The following KLHL30 variants were observed in gnomAD, a reference collection of about 807,000 sequenced individuals.
The protein encoded by KLHL30 is kelch like family member 30.
Under a neutral mutation model 55.0 loss-of-function variants are expected in KLHL30, and 55 were observed. The observed-to-expected ratio is 1.00, with a 90% CI of 0.80 to 1.25. The LOEUF is 1.25. KLHL30 is among the 50% of genes most tolerant of loss of function. The pLI is 0.00. For missense variants in KLHL30, 786 were observed against 811.6 expected (o/e 0.97, Z 0.38); for synonymous variants, 356 against 372.6 (o/e 0.96, Z 0.51).
chr2:238,142,344 C>T (rs561912940), intron 2 of KLHL30, among the ~76,000 whole-genome samples: 3 of 152,276 alleles, frequency 2.0e-5, no homozygotes, highest in South Asian at 4.2e-4. Flanking sequence ...TGCCCGTGGA[C>T]GGTCACCTTG....
Position 238,152,132 on chromosome 2 carries a change from G to C in KLHL30, c.*1067G>C. ...GGCTAGAAGTCAGGAGTCGGGCCCG[G>C]CCAGGCACAGGCCCTGGTGTTGCCC... On this transcript the variant is annotated 3_prime_UTR_variant, in exon 8 of 8. Coordinates refer to ENST00000409223, the MANE Select transcript of KLHL30 (RefSeq NM_198582.4). 1.7e-5 allele frequency: 17 copies of C among 985,444 alleles called. No individual in the cohort carries two copies. The highest frequency in any genetic ancestry group is 2.0e-5 in the Non-Finnish European group (17 of 829,990). 61.0% of individuals were successfully genotyped at this position (985,444 alleles called of 1,614,324 possible). A position where few individuals can be genotyped will look rare whatever the true frequency, so the allele number is the denominator to read the frequency against.
intron 3 of KLHL30, among the ~76,000 whole-genome samples, chr2:238,143,134 G>A (rs1043292386): frequency 6.6e-6 from 1 of 152,192 alleles, no homozygotes; most frequent in African/African-American, 2.4e-5. Flanking sequence ...AGGCTGGCGG[G>A]CACTGCTGCT....
At position 238,150,910 on chromosome 2, in the gene KLHL30, G is replaced by T; in HGVS notation, c.1582G>T (p.Asp528Tyr). The change falls in exon 8 of 8, where the codon GAC becomes TAC. Residue 528 changes from aspartate to tyrosine, a missense_variant. Coordinates refer to ENST00000409223, the MANE Select transcript of KLHL30 (RefSeq NM_198582.4). ...CGGCCGCTGGCAGGGCATGGAAGGTGACTACCACGTGGAGATGGAGGCCTA... is the reference window on the plus strand; with the variant it reads ...CGGCCGCTGGCAGGGCATGGAAGGTTACTACCACGTGGAGATGGAGGCCTA... ...TGGRWQGMEGDYHVEMEAYDT... is the reference protein window; with the variant it reads ...TGGRWQGMEGYYHVEMEAYDT... 6.3e-7 allele frequency: 1 copy of T among 1,598,850 alleles called. No homozygotes were observed. Among genetic ancestry groups the T allele is most frequent in the East Asian group, 2.3e-5 (1 of 44,014 alleles).
Position 238,147,745 on chromosome 2 carries a change from C to T in KLHL30, c.1151-89C>T. On this transcript the variant is annotated intron_variant, in intron 5 of 7. Coordinates refer to ENST00000409223, the MANE Select transcript of KLHL30 (RefSeq NM_198582.4). This position sits in a 1 kb window ranked among gnomAD's most constrained non-coding sequence, Gnocchi z 5.8. ...GGGGAGCCCACCCCACCTCCCACCA[C>T]TTTGCTGCCTTACAAAGCCCCAGCC... 1.2e-6 allele frequency: 1 copy of T among 823,574 alleles called. No homozygotes were observed. Among genetic ancestry groups the T allele is most frequent in the Non-Finnish European group, 1.7e-6 (1 of 581,792 alleles). 51.0% of individuals were successfully genotyped at this position (823,574 alleles called of 1,614,324 possible).
chr2:238,151,954 A>C lies in KLHL30; in HGVS notation c.*889A>C. ...TAGCATCCGATGGGCCCCTGCCAGCATGCAGCCCGACTCCGGCTGGCTCAG... is the reference window on the plus strand; with the variant it reads ...TAGCATCCGATGGGCCCCTGCCAGCCTGCAGCCCGACTCCGGCTGGCTCAG... On this transcript the variant is annotated 3_prime_UTR_variant, in exon 8 of 8. Transcript: ENST00000409223. 1 of 985,506 alleles carries C rather than the reference A, an allele frequency of 1.0e-6. No homozygotes were observed. The highest frequency in any genetic ancestry group is 1.2e-6 in the Non-Finnish European group (1 of 829,962). 61.0% of individuals were successfully genotyped at this position (985,506 alleles called of 1,614,324 possible). A position where few individuals can be genotyped will look rare whatever the true frequency, so the allele number is the denominator to read the frequency against.
At position 238,149,095 on chromosome 2, in the gene KLHL30, TG is replaced by T. The variant is rs2106314450; in HGVS notation, c.1432del (p.Asp478ThrfsTer40). ...CACTGCACGGGGAGCTCTACCTCAT[TG>T]GGGACAACACCAAGAAGGTCTACGT... ...AALHGELYLIGDNTKKVYVYD... is the reference protein window; with the variant it reads ...AALHGELYLIXDNTKKVYVYD... On this transcript the variant is annotated frameshift_variant, in exon 7 of 8. Coordinates refer to ENST00000409223, the MANE Select transcript of KLHL30 (RefSeq NM_198582.4). LOFTEE classifies it high-confidence loss of function. 6.2e-7 allele frequency: 1 copy of T among 1,613,160 alleles called. No individual in the cohort carries two copies.
chr2:238,148,083 C>T (rs573593288), intron 6 of KLHL30, 61 bp downstream of exon 6: 68 of 1,311,670 alleles, frequency 5.2e-5, no homozygotes, highest in Non-Finnish European at 6.3e-5. Flanking sequence ...GGCGACAGTC[C>T]GCTCGTAGTG....
At chr2:238,145,379 GCAGGGGT>G (rs974345201) in intron 4 of KLHL30, among the ~76,000 whole-genome samples, 1 of 152,202 alleles carries the variant, frequency 6.6e-6, no homozygotes, top group Non-Finnish European at 1.5e-5. Flanking sequence ...GTCGTGTGTT[GCAGGGGT>G]CACTTTGCTC....
At chr2:238,150,184 C>G (rs1692725209) in intron 7 of KLHL30, among the ~76,000 whole-genome samples, 1 of 152,210 alleles carries the variant, frequency 6.6e-6, no homozygotes, top group Non-Finnish European at 1.5e-5. Flanking sequence ...CTGTCCCAGG[C>G]TCAGGTCCCA....
rs752193813 is a variant in KLHL30, at chr2:238,141,039, GCT to G, written c.286_287del (p.Leu96AspfsTer44). On this transcript the variant is annotated frameshift_variant, in exon 2 of 8. Transcript: ENST00000409223. LOFTEE classifies it high-confidence loss of function. ...QLVDFVYTGR[L>X]TITQGNVEAL... ...TGGTGGACTTCGTGTACACAGGCCGGCTGACCATCACGCAGGGCAACGTGGAG... is the reference window on the plus strand; with the variant it reads ...TGGTGGACTTCGTGTACACAGGCCGGGACCATCACGCAGGGCAACGTGGAG... The G allele has an allele frequency of 1.2e-6, 2 of 1,612,178 alleles. No homozygotes were observed. Among genetic ancestry groups the G allele is most frequent in the East Asian group, 4.5e-5 (2 of 44,870 alleles).
intron 5 of KLHL30, 68 bp downstream of exon 5, chr2:238,145,900 C>G: frequency 6.9e-7 from 1 of 1,456,720 alleles, no homozygotes; most frequent in Non-Finnish European, 9.2e-7. Context: ...GCAACAGGAA[C>G]CGAGAGCCCC....
At chr2:238,139,002 G>T (rs1692481859) in intron 1 of KLHL30, among the ~76,000 whole-genome samples, 1 of 152,196 alleles carries the variant, frequency 6.6e-6, no homozygotes, top group South Asian at 2.1e-4. Context: ...CCCTCAGATG[G>T]CAGCCAGGGC....
Position 238,147,964 on chromosome 2 carries a change from G to A in KLHL30, c.1281G>A (p.Val427=), listed in dbSNP as rs1692678048. 2 of 1,568,166 alleles carry A rather than the reference G, an allele frequency of 1.3e-6. No homozygotes were observed. Among genetic ancestry groups the A allele is most frequent in the African/African-American group, 2.7e-5 (2 of 73,678 alleles). Residue 427 remains valine (V), a synonymous_variant, in exon 6 of 8, where the codon GTG becomes GTA. Transcript: ENST00000409223. This position sits in a 1 kb window ranked among gnomAD's most constrained non-coding sequence, Gnocchi z 5.8. The part of the protein sequence containing the change: ...AAGCRGRLYL[V]GSSACKYNAL... ...GCTGCCGGGGCCGGCTCTACCTGGT[G>A]GGCTCCAGCGCCTGCAAGTACAACG...
chr2:238,145,855 TC>T (rs768001046), intron 5 of KLHL30, 23 bp downstream of exon 5: 5 of 1,572,750 alleles, frequency 3.2e-6, no homozygotes, highest in Admixed American at 3.5e-5. Flanking sequence ...TCTCCACCCT[TC>T]CCTGGGGCCT....
At chr2:238,140,124 T>C (rs1356834526) in intron 1 of KLHL30, among the ~76,000 whole-genome samples, 1 of 152,214 alleles carries the variant, frequency 6.6e-6, no homozygotes, top group Non-Finnish European at 1.5e-5. Context: ...AAACCTTCTG[T>C]GCCTCAGTCT....
Position 238,145,832 on chromosome 2 carries a change from G to A in KLHL30, c.1150G>A (p.Gly384Ser), listed in dbSNP as rs760494343. ...ALNGEIYVIG[G>S]TTLDVVEVES... is the part of the protein sequence containing the mutation. Reference sequence around the variant, plus strand: ...CAATGGGGAGATCTACGTTATCGGCGGTGAGGCCTTCCTCTCCACCCTTCC... The same window carrying A: ...CAATGGGGAGATCTACGTTATCGGCAGTGAGGCCTTCCTCTCCACCCTTCC... Residue 384 changes from glycine (G) to serine (S), a missense_variant and splice_region_variant, in exon 5 of 8, where the codon GGC becomes AGC. By Grantham distance (56) the Gly-to-Ser change is moderately conservative. Transcript: ENST00000409223. 20 of 1,594,470 alleles carry A rather than the reference G, an allele frequency of 1.3e-5. No homozygotes were observed. Among genetic ancestry groups the A allele is most frequent in the East Asian group, 9.0e-5 (4 of 44,262 alleles).
rs964938264 is a variant in KLHL30 at position 238,147,082 on chromosome 2, G to A, written c.1151-752G>A. On this transcript the variant is annotated intron_variant, in intron 5 of 7. Coordinates refer to ENST00000409223, the MANE Select transcript of KLHL30 (RefSeq NM_198582.4). The surrounding 1 kb of genome is among the most constrained non-coding windows in gnomAD (Gnocchi z 5.8). ...AGTATCGCTGAGCCTGAGAGGTTGA[G>A]GCTGCAATGAGCTGTAATCGCACCA... Among the ~76,000 whole-genome samples the A allele has an allele frequency of 6.6e-6, 1 of 151,168 alleles. No homozygotes were observed. The highest frequency in any genetic ancestry group is 1.5e-5 in the Non-Finnish European group (1 of 67,802).
chr2:238,139,321 A>G (rs1413442617), intron 1 of KLHL30, among the ~76,000 whole-genome samples: 1 of 152,226 alleles, frequency 6.6e-6, no homozygotes, highest in African/African-American at 2.4e-5. Context: ...CTCAGGCCCC[A>G]GCTCATCTCC....
chr2:238,145,920 T>G, intron 5 of KLHL30, 88 bp downstream of exon 5: 1 of 1,398,858 alleles, frequency 7.1e-7, no homozygotes, highest in Non-Finnish European at 9.5e-7. Flanking sequence ...CATGCTGGCC[T>G]CGGAGACCAC....
Sources: allele counts gnomAD v4.1 joint callset (sites outside exome capture counted in the v4.1 genomes callset), GRCh38; gene constraint gnomAD v4.1.1; non-coding constraint Gnocchi (gnomAD v3.1); transcripts MANE v1.5; gene names NCBI Gene and HGNC (gene_info 2026-07-23, HGNC 2026-07-21).